TMC3: variants seen among roughly 807,000 people sequenced by gnomAD.
TMC3 encodes transmembrane channel like 3, also known as transmembrane channel-like protein 3.
TMC3 carries 98 observed loss-of-function variants against 110.6 expected under a neutral mutation model. The observed-to-expected ratio is 0.89, with a 90% CI of 0.75 to 1.05. The LOEUF (loss-of-function observed/expected upper bound fraction) is 1.05. Ranked by LOEUF, TMC3 falls within the 50% of genes least tolerant of loss-of-function variation. TMC3 has a pLI of 0.00. For missense variants in TMC3, 1,319 were observed against 1,373.2 expected (o/e 0.96, Z 0.62); for synonymous variants, 489 against 513.1 (o/e 0.95, Z 0.63).
At chr15:81,361,161 T>G (rs1179797212) in intron 4 of TMC3, among the ~76,000 whole-genome samples, 1 of 152,320 alleles carries the variant, frequency 6.6e-6, no homozygotes, top group East Asian at 1.9e-4. Flanking sequence ...AACTTTTAGC[T>G]TTACTTTTTA....
chr15:81,354,189 C>A (rs1316341348), intron 9 of TMC3, among the ~76,000 whole-genome samples: 3 of 152,210 alleles, frequency 2.0e-5, no homozygotes, highest in Admixed American at 2.0e-4. Context: ...TTGTCTTAGC[C>A]TGGCTAAGGC....
chr15:81,358,807 T>A (rs74028644), intron 5 of TMC3, among the ~76,000 whole-genome samples: 5,114 of 152,182 alleles, frequency 0.034, 286 homozygotes, highest in African/African-American at 0.11. Context: ...GAGAAATGGA[T>A]TTTATTTCTT....
intron 4 of TMC3, among the ~76,000 whole-genome samples, chr15:81,361,544 C>A (rs557334351): frequency 1.8e-4 from 27 of 152,104 alleles, no homozygotes; most frequent in African/African-American, 6.0e-4. Flanking sequence ...TTTTATTAAT[C>A]TCTTGGATAT....
intron 3 of TMC3, among the ~76,000 whole-genome samples, chr15:81,366,999 T>A (rs1052531620): frequency 1.3e-5 from 2 of 152,130 alleles, no homozygotes; most frequent in African/African-American, 4.8e-5. Flanking sequence ...ATATAAATCA[T>A]CAAGGCTTTT....
At chr15:81,360,329 A>T (rs1023306148) in intron 4 of TMC3, among the ~76,000 whole-genome samples, 1 of 152,142 alleles carries the variant, frequency 6.6e-6, no homozygotes. Context: ...TCCAGCATAC[A>T]TCTTAAATTA....
At chr15:81,337,579 G>A (rs1186596600) in intron 19 of TMC3, 1 of 549,070 alleles carries the variant, frequency 1.8e-6, no homozygotes, top group Non-Finnish European at 3.3e-6. Context: ...GTCACAGGGT[G>A]GGCACTGAAA....
chr15:81,355,729 T>G lies in TMC3; in HGVS notation c.931A>C (p.Asn311His). 1 of 1,597,478 alleles carries G rather than the reference T, an allele frequency of 6.3e-7. No homozygotes were observed. The change falls in exon 9 of 22, where the codon AAC (asparagine) becomes CAC (histidine). Residue 311 changes from asparagine (N) to histidine (H), a missense_variant. By Grantham distance (68) the Asn-to-His change is moderately conservative. Coordinates refer to ENST00000359440, the MANE Select transcript of TMC3 (RefSeq NM_001080532.3). ...LEEQEKKKSK[N>H]LAVTICLRII... Reference sequence around the variant, plus strand: ...ATGGGGAGTAATAATACCTACAGGTTTTTGCTTTTCTTTTTCTCCTGTTCT... The same window carrying G: ...ATGGGGAGTAATAATACCTACAGGTGTTTGCTTTTCTTTTTCTCCTGTTCT...
At chr15:81,364,548 G>A (rs895500057) in intron 3 of TMC3, among the ~76,000 whole-genome samples, 1 of 127,174 alleles carries the variant, frequency 7.9e-6, no homozygotes, top group Non-Finnish European at 1.6e-5. Flanking sequence ...CGGGGGAGGG[G>A]GGAGGGATAG....
chr15:81,333,506 G>T (rs796445949), intron 21 of TMC3, among the ~76,000 whole-genome samples: 1 of 152,204 alleles, frequency 6.6e-6, no homozygotes, highest in African/African-American at 2.4e-5. Context: ...ACTGCAGAGC[G>T]AGGGGTGTTA....
At chr15:81,362,478 C>T (rs1441908037) in intron 3 of TMC3, among the ~76,000 whole-genome samples, 177 bp from the exon 4 acceptor site, 1 of 152,040 alleles carries the variant, frequency 6.6e-6, no homozygotes, top group Non-Finnish European at 1.5e-5. Context: ...TGTCTGTGCT[C>T]CTAACCAGGT....
intron 3 of TMC3, among the ~76,000 whole-genome samples, chr15:81,365,364 AGTATGCTCTTAAG>A (rs1894287213): frequency 6.6e-6 from 1 of 152,268 alleles, no homozygotes; most frequent in Admixed American, 6.5e-5. Context: ...AGATGAATAA[AGTATGCTCTTAAG>A]AAACAGAAAA....
chr15:81,331,277 ATAC>A lies in TMC3; in HGVS notation c.*1139_*1141del, dbSNP rs1016839004. Reference sequence around the variant, plus strand: ...GTTGTTCAGTCTTTTACATTTATCTATACTACATGTTCCACATCCCTGGGAAAC... The same window carrying A: ...GTTGTTCAGTCTTTTACATTTATCTATACATGTTCCACATCCCTGGGAAAC... On this transcript the variant is annotated 3_prime_UTR_variant, in exon 22 of 22. Transcript: ENST00000359440. 6.6e-6 allele frequency: 1 copy of A among 152,218 alleles called. No homozygotes were observed. Among genetic ancestry groups the A allele is most frequent in the Non-Finnish European group, 1.5e-5 (1 of 68,042 alleles). 9.4% of individuals were successfully genotyped at this position (152,218 alleles called of 1,614,324 possible). A position where few individuals can be genotyped will look rare whatever the true frequency, so the allele number is the denominator to read the frequency against.
In TMC3 at chr15:81,332,148, G is replaced by A; in HGVS notation, c.*271C>T. On this transcript the variant is annotated 3_prime_UTR_variant, in exon 22 of 22. Coordinates refer to ENST00000359440, the MANE Select transcript of TMC3 (RefSeq NM_001080532.3). Reference sequence around the variant, plus strand: ...TCTGCCAAATTCTTTCTTCCGAGGAGGCAAGTATTGAGATTGCTGCAGACC... The same window carrying A: ...TCTGCCAAATTCTTTCTTCCGAGGAAGCAAGTATTGAGATTGCTGCAGACC... 2.6e-6 allele frequency: 1 copy of A among 380,914 alleles called. No individual in the cohort carries two copies. Among genetic ancestry groups the A allele is most frequent in the Non-Finnish European group, 4.7e-6 (1 of 213,406 alleles). 23.6% of individuals were successfully genotyped at this position (380,914 alleles called of 1,614,324 possible). A position where few individuals can be genotyped will look rare whatever the true frequency, so the allele number is the denominator to read the frequency against.
rs774243935 is a variant in TMC3 at position 81,332,883 on chromosome 15, C to T, written c.2839G>A (p.Glu947Lys). The T allele has an allele frequency of 1.2e-6, 2 of 1,613,174 alleles. No individual in the cohort carries two copies. Among genetic ancestry groups the T allele is most frequent in the African/African-American group, 1.3e-5 (1 of 74,892 alleles). The stretch of plus-strand genomic sequence containing the variant: ...TTGATCCAATCTCTGCTTGGCGTCT[C>T]CTCCTCTTCTTCACTCAGCTGTGGG... ...PSPQLSEEEE[E>K]TPSRDWIKRS... is the part of the protein sequence containing the mutation. The change falls in exon 22 of 22, where the codon GAG becomes AAG. Residue 947 changes from glutamate to lysine, a missense_variant. Coordinates refer to ENST00000359440, the MANE Select transcript of TMC3 (RefSeq NM_001080532.3).
intron 11 of TMC3, among the ~76,000 whole-genome samples, chr15:81,348,884 T>G (rs901747427): frequency 2.0e-5 from 3 of 152,228 alleles, no homozygotes; most frequent in African/African-American, 7.2e-5. Flanking sequence ...TGATCTTGGC[T>G]CACCGCAACC....
intron 3 of TMC3, among the ~76,000 whole-genome samples, chr15:81,367,425 AG>A (rs768108219): frequency 2.0e-4 from 30 of 152,316 alleles, no homozygotes; most frequent in Admixed American, 9.8e-4. Flanking sequence ...ATTGGGAAGT[AG>A]GGGGTATAGA....
At chr15:81,345,990 C>G (rs1325437828) in intron 12 of TMC3, among the ~76,000 whole-genome samples, 2 of 152,162 alleles carry the variant, frequency 1.3e-5, no homozygotes, top group African/African-American at 4.8e-5. Context: ...AATGATTATT[C>G]TGTCCTGACT....
intron 18 of TMC3, 102 bp from the exon 19 acceptor site, chr15:81,338,026 G>C (rs1240509947): frequency 2.3e-6 from 2 of 887,418 alleles, no homozygotes; most frequent in Non-Finnish European, 3.7e-6. Flanking sequence ...GAGGCTCCCA[G>C]GCCAGATGCG....
intron 21 of TMC3, 71 bp downstream of exon 21, chr15:81,334,649 C>T (rs1596077606): frequency 6.5e-7 from 1 of 1,528,682 alleles, no homozygotes; most frequent in South Asian, 1.3e-5. Context: ...TGGCCTTGGC[C>T]TCCTGAAGCT....
Sources: allele counts gnomAD v4.1 joint callset (sites outside exome capture counted in the v4.1 genomes callset), GRCh38; gene constraint gnomAD v4.1.1; transcripts MANE v1.5; gene names NCBI Gene and HGNC (gene_info 2026-07-23, HGNC 2026-07-21).